Variants in CASTOR2 observed in about 807,000 individuals in gnomAD.
CASTOR2 encodes the protein cytosolic arginine sensor for mTORC1 subunit 2.
A neutral mutation model predicts 31.2 loss-of-function variants in CASTOR2; 8 were observed. That is an observed-to-expected ratio of 0.26 (90% CI 0.15 to 0.46). The LOEUF (loss-of-function observed/expected upper bound fraction) is 0.46. CASTOR2 is among the 20% of genes least tolerant of loss of function. CASTOR2 has a pLI of 0.99. For missense variants in CASTOR2, 216 were observed against 382.1 expected (o/e 0.57, Z 3.62); for synonymous variants, 162 against 158.7 (o/e 1.02, Z -0.16).
chr7:74,998,332 G>C (rs1455455477), intron 1 of CASTOR2, among the ~76,000 whole-genome samples: 2 of 152,146 alleles, frequency 1.3e-5, no homozygotes, highest in African/African-American at 4.8e-5. Flanking sequence ...GGCCGGGCAC[G>C]GTGGCTCACA....
At chr7:75,005,596 G>C (rs1297260951) in intron 1 of CASTOR2, among the ~76,000 whole-genome samples, 2 of 152,186 alleles carry the variant, frequency 1.3e-5, no homozygotes, top group Non-Finnish European at 2.9e-5. Context: ...ATATGTATTT[G>C]CACCTAAGTC....
chr7:75,027,989 C>T lies in CASTOR2; in HGVS notation c.*3290C>T. On this transcript the variant is annotated 3_prime_UTR_variant, in exon 9 of 9. Coordinates refer to ENST00000616305, the MANE Select transcript of CASTOR2 (RefSeq NM_001145064.3). ...CTCAGAGGGGCTCCATCCGCAGTTG[C>T]ATGGAACTCCTTACCTGTTTGCCGT... 5.9e-6 allele frequency: 9 copies of T among 1,529,720 alleles called. No individual in the cohort carries two copies. The highest frequency in any genetic ancestry group is 7.9e-6 in the Non-Finnish European group (9 of 1,142,256). 94.8% of individuals were successfully genotyped at this position (1,529,720 alleles called of 1,614,324 possible). A position where few individuals can be genotyped will look rare whatever the true frequency, so the allele number is the denominator to read the frequency against.
intron 1 of CASTOR2, among the ~76,000 whole-genome samples, chr7:74,989,500 C>G (rs1804153776): frequency 6.6e-6 from 1 of 152,046 alleles, no homozygotes; most frequent in African/African-American, 2.4e-5. Context: ...TAGCTCACCA[C>G]AGCCTCTACC....
intron 2 of CASTOR2, among the ~76,000 whole-genome samples, chr7:75,016,088 T>C (rs1476714987): frequency 3.3e-5 from 5 of 151,820 alleles, no homozygotes; most frequent in Non-Finnish European, 5.9e-5. Flanking sequence ...CCTGCCTCCT[T>C]GTGGGATGCA....
At chr7:74,983,771 C>T (rs1247422744) in intron 1 of CASTOR2, among the ~76,000 whole-genome samples, 14 of 150,144 alleles carry the variant, frequency 9.3e-5, no homozygotes, top group African/African-American at 3.4e-4. Context: ...CACATATTCC[C>T]AGGCAGGTCA....
intron 1 of CASTOR2, among the ~76,000 whole-genome samples, chr7:74,991,316 T>G (rs1804206832): frequency 6.6e-6 from 1 of 152,104 alleles, no homozygotes; most frequent in African/African-American, 2.4e-5. Flanking sequence ...GTCATCTCAC[T>G]GTACAGCTGG....
chr7:75,017,204 T>C (rs2131953559), intron 2 of CASTOR2, among the ~76,000 whole-genome samples: 1 of 151,334 alleles, frequency 6.6e-6, no homozygotes, highest in African/African-American at 2.4e-5. Flanking sequence ...ATCCCAGCAC[T>C]TGGGGAGGCT....
chr7:75,016,300 G>A (rs2131952808), intron 2 of CASTOR2, among the ~76,000 whole-genome samples: 1 of 152,340 alleles, frequency 6.6e-6, no homozygotes, highest in Non-Finnish European at 1.5e-5. Flanking sequence ...AGGACAGGGT[G>A]GAAGGGATGG....
chr7:74,985,619 G>T (rs1169235139), intron 1 of CASTOR2, among the ~76,000 whole-genome samples: 3,246 of 142,588 alleles, frequency 0.023, 54 homozygotes, highest in Non-Finnish European at 0.031. Flanking sequence ...GAATCATTGT[G>T]AGGGGATCTC....
At chr7:74,985,690 T>TCCATTACCCC (rs1337279244) in intron 1 of CASTOR2, among the ~76,000 whole-genome samples, 1 of 151,648 alleles carries the variant, frequency 6.6e-6, no homozygotes, top group Non-Finnish European at 1.5e-5. Context: ...GTGAGCATGT[T>TCCATTACCCC]CCATTACCCC....
In CASTOR2 at chr7:75,028,258, T is replaced by C. The variant is rs1805193349; in HGVS notation, c.*3559T>C. 6.6e-6 allele frequency among the ~76,000 whole-genome samples: 1 copy of C among 151,932 alleles called. No homozygotes were observed. The highest frequency in any genetic ancestry group is 1.5e-5 in the Non-Finnish European group (1 of 67,986). ...ACATTGGCCTCCCAAGTAGGTGAGATTACAGGCACTCACCACCACACGCGG... is the reference window on the plus strand; with the variant it reads ...ACATTGGCCTCCCAAGTAGGTGAGACTACAGGCACTCACCACCACACGCGG... On this transcript the variant is annotated 3_prime_UTR_variant, in exon 9 of 9. Transcript: ENST00000616305.
chr7:74,991,312 T>C (rs1410883593), intron 1 of CASTOR2, among the ~76,000 whole-genome samples: 1 of 152,094 alleles, frequency 6.6e-6, no homozygotes, highest in Admixed American at 6.6e-5. Flanking sequence ...GCTAGTCATC[T>C]CACTGTACAG....
intron 2 of CASTOR2, among the ~76,000 whole-genome samples, chr7:75,012,547 T>C (rs2131949482): frequency 6.6e-6 from 1 of 152,086 alleles, no homozygotes; most frequent in East Asian, 1.9e-4. Flanking sequence ...CCTCAGATGA[T>C]CCTCTTGCCT....
At chr7:75,002,814 G>A (rs1247357352) in intron 1 of CASTOR2, among the ~76,000 whole-genome samples, 4 of 151,990 alleles carry the variant, frequency 2.6e-5, no homozygotes, top group African/African-American at 9.7e-5. Context: ...GGGGTCCTGT[G>A]GAGTGGCTCA....
intron 5 of CASTOR2, 124 bp from the exon 6 acceptor site, chr7:75,019,915 G>T: frequency 1.3e-6 from 1 of 793,794 alleles, no homozygotes; most frequent in Non-Finnish European, 2.0e-6. Context: ...AGGATGAGAA[G>T]GACACTGGCC....
intron 1 of CASTOR2, among the ~76,000 whole-genome samples, chr7:74,997,567 A>G (rs1445943747): frequency 8.6e-5 from 13 of 152,000 alleles, no homozygotes; most frequent in Non-Finnish European, 1.5e-4. Flanking sequence ...CTAGGATTAC[A>G]GGCATGTGCC....
Position 75,020,140 on chromosome 7 carries a change from C to T in CASTOR2, c.737C>T (p.Thr246Met), listed in dbSNP as rs1358917697. Residue 246 changes from threonine (T) to methionine (M), a missense_variant, in exon 6 of 9, where the codon ACG becomes ATG. Thr to Met is a moderately conservative substitution (Grantham distance 81). Transcript: ENST00000616305. Reference sequence around the variant, plus strand: ...ATCTCCCTGGTGATGGACGTGCAGACGCAGCAGAGGTGAGCCAGGCCCTGG... The same window carrying T: ...ATCTCCCTGGTGATGGACGTGCAGATGCAGCAGAGGTGAGCCAGGCCCTGG... ...GYISLVMDVQTQQRFPSNLLF... is the reference protein window; with the variant it reads ...GYISLVMDVQMQQRFPSNLLF... The T allele has an allele frequency of 1.9e-6, 3 of 1,551,476 alleles. No homozygotes were observed. Among genetic ancestry groups the T allele is most frequent in the East Asian group, 2.4e-5 (1 of 40,916 alleles).
chr7:74,989,837 A>G (rs1804163931), intron 1 of CASTOR2, among the ~76,000 whole-genome samples: 1 of 152,150 alleles, frequency 6.6e-6, no homozygotes, highest in Non-Finnish European at 1.5e-5. Flanking sequence ...ACTAGAGACT[A>G]GAGCAGTGGC....
intron 1 of CASTOR2, among the ~76,000 whole-genome samples, chr7:74,997,437 C>CTTT (rs879150708): frequency 1.4e-5 from 2 of 138,086 alleles, no homozygotes; most frequent in Non-Finnish European, 1.6e-5. Flanking sequence ...AAAGCATTGC[C>CTTT]TTTTTTTTTT....
Sources: allele counts gnomAD v4.1 joint callset (sites outside exome capture counted in the v4.1 genomes callset), GRCh38; gene constraint gnomAD v4.1.1; transcripts MANE v1.5; gene names NCBI Gene and HGNC (gene_info 2026-07-23, HGNC 2026-07-21).